RASSF4: variants seen among roughly 807,000 people sequenced by gnomAD.
The protein encoded by RASSF4 is Ras association domain family member 4.
In RASSF4, 38 loss-of-function variants were observed where a neutral mutation model predicts 41.1. The ratio of observed to expected loss-of-function variants is 0.92; its 90% CI spans 0.71 to 1.21. RASSF4 has a LOEUF of 1.21. RASSF4 is among the 50% of genes most tolerant of loss of function. The pLI is 0.00. For missense variants in RASSF4, 414 were observed against 419.4 expected (o/e 0.99, Z 0.11); for synonymous variants, 179 against 163.4 (o/e 1.10, Z -0.73).
Position 44,991,940 on chromosome 10 carries a change from G to A in RASSF4, c.843G>A (p.Leu281=), listed in dbSNP as rs576235606. Residue 281 remains leucine (L), a synonymous_variant, in exon 10 of 11, where the codon CTG becomes CTA. Transcript: ENST00000340258. ...AQYIKFEMPV[L]DSFVEKLKEE... ...ACATTAAGTTTGAAATGCCGGTGCT[G>A]GACAGTTTTGTTGAAAAATTAAAAG... 22 of 1,613,506 alleles carry A rather than the reference G, an allele frequency of 1.4e-5. 1 individual carries two copies. In the South Asian group the frequency reaches 2.4e-4, roughly 18 times the overall value.
intron 3 of RASSF4, chr10:44,977,561 A>G (rs1292853630): frequency 6.2e-7 from 1 of 1,613,504 alleles, no homozygotes; most frequent in Admixed American, 1.7e-5. Context: ...ATGCCCAGGC[A>G]TCCTGGCTTC....
At chr10:44,982,777 T>C in intron 4 of RASSF4, 114 bp downstream of exon 4, 1 of 1,183,102 alleles carries the variant, frequency 8.5e-7, no homozygotes, top group Non-Finnish European at 1.2e-6. Context: ...CACAGGAGGG[T>C]GACCCAGCCT....
intron 3 of RASSF4, 62 bp from the exon 4 acceptor site, chr10:44,982,459 A>AG: frequency 6.3e-7 from 1 of 1,582,694 alleles, no homozygotes; most frequent in Non-Finnish European, 8.6e-7. Flanking sequence ...TCCCATCCCT[A>AG]GGGGGCACAG....
intron 8 of RASSF4, 175 bp from the exon 9 acceptor site, chr10:44,990,773 T>C (rs1172924481): frequency 3.6e-6 from 2 of 548,616 alleles, no homozygotes; most frequent in Non-Finnish European, 6.4e-6. Context: ...CTGGGGGCCC[T>C]GTTCTGCCTC....
chr10:44,986,465 A>G (rs1037117185), intron 6 of RASSF4, among the ~76,000 whole-genome samples: 4 of 152,366 alleles, frequency 2.6e-5, no homozygotes, highest in Middle Eastern at 3.4e-3. Flanking sequence ...GCCAGACAAC[A>G]TGGGGTCTCA....
At chr10:44,988,455 C>G (rs958628074) in intron 6 of RASSF4, among the ~76,000 whole-genome samples, 2 of 151,728 alleles carry the variant, frequency 1.3e-5, no homozygotes, top group Admixed American at 1.3e-4. Flanking sequence ...TATAATGTGT[C>G]CCCCCACCCC....
chr10:44,984,222 C>T (rs1255754118), intron 5 of RASSF4, 109 bp downstream of exon 5: 32 of 1,110,886 alleles, frequency 2.9e-5, no homozygotes, highest in Non-Finnish European at 3.5e-5. Context: ...CCCCAGCCAA[C>T]GAGGGGCTTC....
chr10:44,990,480 G>A (rs1299910600), intron 8 of RASSF4: 1 of 156,220 alleles, frequency 6.4e-6, no homozygotes, highest in African/African-American at 2.4e-5. Flanking sequence ...GAGTTTCTGG[G>A]GAGGCGAAGG....
rs567622139 is a variant in RASSF4, at chr10:44,977,102, T to C, written c.138+5254T>C. 9.7e-6 allele frequency: 3 copies of C among 310,050 alleles called. No individual in the cohort carries two copies. The South Asian group carries it at 3.6e-4, about 37-fold the overall frequency. 19.2% of individuals were successfully genotyped at this position (310,050 alleles called of 1,614,324 possible). ...GGCCTGGGAGGCAGGTGCCAGTAATTATCCCTATATTACCCATGAGAAACT... is the reference window on the plus strand; with the variant it reads ...GGCCTGGGAGGCAGGTGCCAGTAATCATCCCTATATTACCCATGAGAAACT... On this transcript the variant is annotated intron_variant, in intron 3 of 10. Transcript: ENST00000340258.
chr10:44,990,130 C>T (rs1842056713), intron 8 of RASSF4, among the ~76,000 whole-genome samples: 1 of 152,142 alleles, frequency 6.6e-6, no homozygotes, highest in Admixed American at 6.5e-5. Context: ...GGGTGGGGTG[C>T]GTGTCGCAGT....
rs556702877 is a variant in RASSF4, at chr10:44,995,724, T to C, written c.*2395T>C. On this transcript the variant is annotated 3_prime_UTR_variant, in exon 11 of 11. Transcript: ENST00000340258. Reference sequence around the variant, plus strand: ...CAATCTGAAAAGCTGCAAATTCAGCTCACCTCAACCCCATAATTTCAAACG... The same window carrying C: ...CAATCTGAAAAGCTGCAAATTCAGCCCACCTCAACCCCATAATTTCAAACG... The C allele has an allele frequency of 8.5e-5, 13 of 152,264 alleles. No individual in the cohort carries two copies. Among genetic ancestry groups the C allele is most frequent in the African/African-American group, 3.1e-4 (13 of 41,556 alleles). The allele number at this position is 152,264 out of a possible 1,614,324, so 9.4% of individuals were successfully genotyped here.
At chr10:44,993,123 C>CCA in intron 10 of RASSF4, 146 bp from the exon 11 acceptor site, 1 of 665,012 alleles carries the variant, frequency 1.5e-6, no homozygotes, top group South Asian at 1.8e-5. Context: ...GAGGCGCAGG[C>CCA]CACAGCCTTC....
At chr10:44,992,920 T>C (rs1482213234) in intron 10 of RASSF4, among the ~76,000 whole-genome samples, 2 of 152,182 alleles carry the variant, frequency 1.3e-5, no homozygotes, top group East Asian at 1.9e-4. Context: ...GAGTGGACGC[T>C]GAGGCCCAGC....
chr10:44,967,763 C>T (rs1840962624), intron 1 of RASSF4, among the ~76,000 whole-genome samples: 1 of 152,088 alleles, frequency 6.6e-6, no homozygotes, highest in Non-Finnish European at 1.5e-5. Flanking sequence ...GTAAAGCACC[C>T]CCCGCCCTCA....
chr10:44,988,053 T>C (rs1019973733), intron 6 of RASSF4, among the ~76,000 whole-genome samples: 1 of 152,124 alleles, frequency 6.6e-6, no homozygotes, highest in East Asian at 1.9e-4. Context: ...AGAGGAGGAA[T>C]ATGCGAATCT....
intron 2 of RASSF4, chr10:44,971,475 G>GCCTTA: frequency 1.7e-6 from 1 of 587,460 alleles, no homozygotes; most frequent in Non-Finnish European, 3.2e-6. Context: ...GGCTGCCAGG[G>GCCTTA]CCTTACCTGT....
intron 3 of RASSF4, among the ~76,000 whole-genome samples, chr10:44,972,801 TTC>T (rs1191038761): frequency 5.9e-5 from 9 of 152,218 alleles, no homozygotes; most frequent in African/African-American, 2.2e-4. Context: ...CTCCCGGACT[TTC>T]TCTCCTCACT....
rs759367961 is a variant in RASSF4, at chr10:44,989,375, G to A, written c.633G>A (p.Arg211=). 6.2e-6 allele frequency: 10 copies of A among 1,604,290 alleles called. No individual in the cohort carries two copies. Among genetic ancestry groups the A allele is most frequent in the Non-Finnish European group, 8.5e-6 (10 of 1,171,400 alleles). The change falls in exon 7 of 11, where the codon AGG becomes AGA. Residue 211 remains arginine, a splice_region_variant and synonymous_variant. Coordinates refer to ENST00000340258, the MANE Select transcript of RASSF4 (RefSeq NM_032023.4). ...QVLTLLLNKF[R]VEDGPSEFAL... ...TCACCCTGCTGCTGAACAAATTTAGGGTAAGCCTGGTCAGGAGCAGCCTTG... is the reference window on the plus strand; with the variant it reads ...TCACCCTGCTGCTGAACAAATTTAGAGTAAGCCTGGTCAGGAGCAGCCTTG...
chr10:44,984,737 C>A, intron 5 of RASSF4, 76 bp from the exon 6 acceptor site: 1 of 1,540,002 alleles, frequency 6.5e-7, no homozygotes, highest in South Asian at 1.2e-5. Flanking sequence ...CTCTAGGGTG[C>A]CAGATCTCCC....
Sources: gnomAD v4.1 joint callset for allele counts (sites outside exome capture counted in the v4.1 genomes callset) on GRCh38, gnomAD v4.1.1 for gene constraint, MANE v1.5 for transcripts, NCBI Gene and HGNC (gene_info 2026-07-23, HGNC 2026-07-21) for gene names.